The following DLGAP1 variants were observed in gnomAD, a reference collection of about 807,000 sequenced individuals.
DLGAP1 encodes the protein DLG associated protein 1, also known as disks large-associated protein 1.
Under a neutral mutation model 90.8 loss-of-function variants are expected in DLGAP1, and 11 were observed. That is an observed-to-expected ratio of 0.12 (90% confidence interval 0.08 to 0.20). DLGAP1 has a LOEUF of 0.20. DLGAP1 is among the 10% of genes least tolerant of loss of function. DLGAP1 has a pLI of 1.00. For synonymous variants in DLGAP1, 558 were observed against 540.7 expected (o/e 1.03, Z -0.44); for missense variants, 1,050 against 1,333.8 (o/e 0.79, Z 3.31).
chr18:3,674,376 T>A (rs114826694), intron 7 of DLGAP1, among the ~76,000 whole-genome samples: 7 of 151,082 alleles, frequency 4.6e-5, no homozygotes, highest in Non-Finnish European at 1.5e-5. Flanking sequence ...TCCAGCACTT[T>A]GGGAGGCTGC....
intron 2 of DLGAP1, among the ~76,000 whole-genome samples, chr18:4,020,685 G>A (rs2149111446): frequency 6.6e-6 from 1 of 152,264 alleles, no homozygotes; most frequent in Non-Finnish European, 1.5e-5. Flanking sequence ...AGCTTGGGAA[G>A]GAATTTAGTT....
intron 3 of DLGAP1, among the ~76,000 whole-genome samples, chr18:3,936,473 G>A (rs1277562563): frequency 6.6e-6 from 1 of 152,122 alleles, no homozygotes; most frequent in East Asian, 1.9e-4. Context: ...ATTTGAAAAG[G>A]ATGGCTTCCC....
At chr18:4,224,157 A>G (rs1361289137) in intron 1 of DLGAP1, among the ~76,000 whole-genome samples, 1 of 152,118 alleles carries the variant, frequency 6.6e-6, no homozygotes, top group Non-Finnish European at 1.5e-5. Flanking sequence ...CTGACTAAAG[A>G]GCTTTTGGCC....
At position 3,918,984 on chromosome 18, in the gene DLGAP1, C is replaced by T. The variant is rs766273793; in HGVS notation, c.-72-38844G>A. 4.6e-5 allele frequency among the ~76,000 whole-genome samples: 7 copies of T among 152,270 alleles called. No homozygotes were observed. The East Asian group carries it at 7.7e-4, about 17-fold the overall frequency. On this transcript the variant is annotated intron_variant, in intron 3 of 12. Transcript: ENST00000315677. ...TTCTCAAGAGATACACACAGTCTAT[C>T]GGAAAAGTGACAGAAAAAAGAATTT... is the stretch of plus-strand genomic sequence containing the variant.
chr18:4,395,300 A>G (rs1418212647), intron 1 of DLGAP1, among the ~76,000 whole-genome samples: 1 of 152,210 alleles, frequency 6.6e-6, no homozygotes, highest in African/African-American at 2.4e-5. Context: ...TATCCCTATT[A>G]CTATCTCTAA....
chr18:3,858,377 C>G (rs2069784142), intron 4 of DLGAP1, among the ~76,000 whole-genome samples: 1 of 151,922 alleles, frequency 6.6e-6, no homozygotes, highest in Admixed American at 6.6e-5. Context: ...GTCCTTTCAA[C>G]TTTGTATTCC....
At chr18:3,657,678 C>T (rs1012877367) in intron 7 of DLGAP1, among the ~76,000 whole-genome samples, 8 of 150,556 alleles carry the variant, frequency 5.3e-5, no homozygotes, top group Non-Finnish European at 1.0e-4. Flanking sequence ...TCTCGGCTCA[C>T]TGCAAGCTCC....
intron 2 of DLGAP1, among the ~76,000 whole-genome samples, chr18:4,079,381 T>C (rs1369476358): frequency 1.3e-5 from 2 of 151,754 alleles, no homozygotes; most frequent in Admixed American, 6.6e-5. Flanking sequence ...AATATCTTTT[T>C]CAGCAATTTG....
intron 1 of DLGAP1, among the ~76,000 whole-genome samples, chr18:4,307,180 C>T (rs1386200735): frequency 6.6e-6 from 1 of 152,100 alleles, no homozygotes; most frequent in African/African-American, 2.4e-5. Flanking sequence ...TCCAGGTTGT[C>T]CTGGAAGAAA....
intron 9 of DLGAP1, among the ~76,000 whole-genome samples, chr18:3,541,238 A>C (rs972311695): frequency 1.3e-5 from 2 of 152,140 alleles, no homozygotes; most frequent in African/African-American, 4.8e-5. Flanking sequence ...GAAGAAAGAG[A>C]GAGAGAAAGA....
At chr18:4,111,641 C>T (rs899279413) in intron 2 of DLGAP1, among the ~76,000 whole-genome samples, 10 of 151,982 alleles carry the variant, frequency 6.6e-5, no homozygotes, top group Admixed American at 2.6e-4. Context: ...TCTTATAGGT[C>T]GATTTAGATT....
intron 9 of DLGAP1, among the ~76,000 whole-genome samples, chr18:3,543,459 C>T (rs2052823662): frequency 6.6e-6 from 1 of 152,102 alleles, no homozygotes; most frequent in Non-Finnish European, 1.5e-5. Context: ...GCCACCTCAT[C>T]CGGCCCCATG....
intron 10 of DLGAP1, among the ~76,000 whole-genome samples, chr18:3,523,646 G>T (rs919802997): frequency 6.6e-6 from 1 of 151,848 alleles, no homozygotes; most frequent in African/African-American, 2.4e-5. Flanking sequence ...AGGAGATCGA[G>T]ACCATCCTGG....
At chr18:4,445,764 A>G (rs1209411076) in intron 1 of DLGAP1, among the ~76,000 whole-genome samples, 4 of 152,178 alleles carry the variant, frequency 2.6e-5, no homozygotes, top group African/African-American at 7.2e-5. Context: ...TGTGAATATT[A>G]TAATAAAGTA....
At chr18:4,130,246 C>A (rs919420163) in intron 2 of DLGAP1, among the ~76,000 whole-genome samples, 1 of 152,116 alleles carries the variant, frequency 6.6e-6, no homozygotes, top group African/African-American at 2.4e-5. Context: ...TCCTATTTCC[C>A]AAATTTTCAG....
intron 2 of DLGAP1, among the ~76,000 whole-genome samples, chr18:4,050,138 C>T (rs2075112948): frequency 6.6e-6 from 1 of 152,084 alleles, no homozygotes; most frequent in Non-Finnish European, 1.5e-5. Flanking sequence ...ATGCATTGGC[C>T]TAAGTGGGTG....
intron 7 of DLGAP1, among the ~76,000 whole-genome samples, chr18:3,646,116 C>T (rs1041295724): frequency 6.6e-6 from 1 of 152,044 alleles, no homozygotes; most frequent in African/African-American, 2.4e-5. Flanking sequence ...AAAAAGGAGG[C>T]CAGGTGTGGT....
chr18:3,701,955 G>A (rs1383566862), intron 7 of DLGAP1, among the ~76,000 whole-genome samples: 1 of 152,186 alleles, frequency 6.6e-6, no homozygotes, highest in East Asian at 1.9e-4. Context: ...TTTCAAATGT[G>A]TGCCAAGATA....
intron 7 of DLGAP1, among the ~76,000 whole-genome samples, chr18:3,582,462 A>G (rs2055576727): frequency 6.6e-6 from 1 of 152,062 alleles, no homozygotes; most frequent in South Asian, 2.1e-4. Context: ...GGAGAAAAAC[A>G]CCGGGAAATA....
Sources: gnomAD v4.1 joint callset for allele counts (sites outside exome capture counted in the v4.1 genomes callset) on GRCh38, gnomAD v4.1.1 for gene constraint, MANE v1.5 for transcripts, NCBI Gene and HGNC (gene_info 2026-07-23, HGNC 2026-07-21) for gene names.